Variants in PHACTR4 observed in about 807,000 individuals in gnomAD.
PHACTR4 encodes the protein phosphatase and actin regulator 4, also known as protein phosphatase 1, regulatory subunit 124.
A neutral mutation model predicts 72.7 loss-of-function variants in PHACTR4; 51 were observed. The ratio of observed to expected loss-of-function variants is 0.70; its 90% confidence interval spans 0.56 to 0.89. The LOEUF is 0.89. PHACTR4 is among the 40% of genes least tolerant of loss of function. The probability of loss-of-function intolerance (pLI) is 0.00; values close to 1 mark genes in which losing one functional copy is unlikely to be tolerated. For synonymous variants in PHACTR4, 255 were observed against 302.5 expected, an observed-to-expected ratio of 0.84 and a Z score of 1.63; for missense variants, 731 against 861.8, an observed-to-expected ratio of 0.85 and a Z score of 1.90.
At chr1:28,453,111 C>T (rs200082323) in intron 2 of PHACTR4, among the ~76,000 whole-genome samples, 5 of 152,064 alleles carry the variant, frequency 3.3e-5, no homozygotes, top group Non-Finnish European at 5.9e-5. Flanking sequence ...AAGAATGAAA[C>T]TTTGTCTCAA....
At position 28,429,584 on chromosome 1, in the gene PHACTR4, T is replaced by C. The variant is rs543027460; in HGVS notation, c.16+22121T>C. Among the ~76,000 whole-genome samples the C allele has an allele frequency of 2.4e-3, 364 of 152,250 alleles. 2 individuals carry two copies. Among genetic ancestry groups the C allele is most frequent in the African/African-American group, 8.4e-3 (347 of 41,546 alleles). On this transcript the variant is annotated intron_variant, in intron 2 of 13. Coordinates refer to ENST00000373839, the MANE Select transcript of PHACTR4 (RefSeq NM_001048183.3). ...ATAGTGGATGAATATTCTGCCAGGG[T>C]AAAATAGTCTATGGTAGAATAGAAT... is the stretch of plus-strand genomic sequence containing the variant.
chr1:28,438,591 G>A (rs1161143386), intron 2 of PHACTR4, among the ~76,000 whole-genome samples: 3 of 152,124 alleles, frequency 2.0e-5, no homozygotes, highest in African/African-American at 2.4e-5. Flanking sequence ...GCGGAACATG[G>A]CGAGAAACTT....
chr1:28,476,043 T>G, intron 7 of PHACTR4, 64 bp from the exon 8 acceptor site: 1 of 1,473,384 alleles, frequency 6.8e-7, no homozygotes, highest in Non-Finnish European at 9.1e-7. Context: ...TTCAGTCCTT[T>G]GTCTTAAAAG....
chr1:28,489,184 GACCAACA>G lies in PHACTR4; in HGVS notation c.1776_1782del (p.Arg592SerfsTer5). ...CTCATTTTTAGGCGACTGAGTCAAA[GACCAACA>G]CCAGAAGAACTAGAACAACGCAATA... On this transcript the variant is annotated frameshift_variant, in exon 10 of 14. Coordinates refer to ENST00000373839, the MANE Select transcript of PHACTR4 (RefSeq NM_001048183.3). LOFTEE classifies it high-confidence loss of function. 1 of 1,612,736 alleles carries G rather than the reference GACCAACA, an allele frequency of 6.2e-7. No individual in the cohort carries two copies. Among genetic ancestry groups the G allele is most frequent in the Non-Finnish European group, 8.5e-7 (1 of 1,179,244 alleles).
At chr1:28,390,045 A>G (rs961067894) in intron 1 of PHACTR4, among the ~76,000 whole-genome samples, 1 of 152,228 alleles carries the variant, frequency 6.6e-6, no homozygotes, top group Non-Finnish European at 1.5e-5. Context: ...TTGAAAAAGA[A>G]GGGAATCTTG....
chr1:28,435,227 C>G (rs1215859012), intron 2 of PHACTR4, among the ~76,000 whole-genome samples: 4 of 152,162 alleles, frequency 2.6e-5, no homozygotes, highest in African/African-American at 9.7e-5. Context: ...CACTTTATTT[C>G]TGTTCATGTC....
At chr1:28,400,133 G>A (rs1361894460) in intron 1 of PHACTR4, among the ~76,000 whole-genome samples, 1 of 152,122 alleles carries the variant, frequency 6.6e-6, no homozygotes, top group African/African-American at 2.4e-5. Context: ...AGCACTTTGG[G>A]AGGCCAAGGT....
intron 1 of PHACTR4, among the ~76,000 whole-genome samples, chr1:28,392,542 A>G (rs535738897): frequency 6.6e-6 from 1 of 151,772 alleles, no homozygotes; most frequent in Non-Finnish European, 1.5e-5. Context: ...AGCTGGGATT[A>G]CAGATGTGCA....
chr1:28,475,873 C>T (rs993544582), intron 7 of PHACTR4, among the ~76,000 whole-genome samples: 2 of 151,690 alleles, frequency 1.3e-5, no homozygotes, highest in Non-Finnish European at 2.9e-5. Flanking sequence ...ATTACAGGCA[C>T]CTGCCACCAT....
intron 2 of PHACTR4, among the ~76,000 whole-genome samples, chr1:28,447,710 A>G (rs1657585116): frequency 6.6e-6 from 1 of 152,142 alleles, no homozygotes. Flanking sequence ...TGCCAGTGGT[A>G]AAGCAACTTC....
intron 1 of PHACTR4, among the ~76,000 whole-genome samples, chr1:28,382,504 C>T (rs911444420): frequency 2.0e-5 from 3 of 151,928 alleles, no homozygotes; most frequent in Admixed American, 1.3e-4. Flanking sequence ...AAGGTTTCAC[C>T]GTGCTAGCCG....
intron 6 of PHACTR4, among the ~76,000 whole-genome samples, chr1:28,471,769 TAG>T (rs1659575382): frequency 6.6e-6 from 1 of 152,048 alleles, no homozygotes; most frequent in African/African-American, 2.4e-5. Flanking sequence ...GAGGGTCCAC[TAG>T]ATGCCAGGTA....
chr1:28,434,603 AGCCACTGT>A (rs763464713), intron 2 of PHACTR4, among the ~76,000 whole-genome samples: 9 of 152,214 alleles, frequency 5.9e-5, no homozygotes, highest in Non-Finnish European at 1.2e-4. Flanking sequence ...TACAGGCATG[AGCCACTGT>A]GCCCAGCCCC....
chr1:28,471,728 G>A (rs1377068321), intron 6 of PHACTR4, among the ~76,000 whole-genome samples: 1 of 152,044 alleles, frequency 6.6e-6, no homozygotes, highest in Non-Finnish European at 1.5e-5. Context: ...ATGATACAGG[G>A]TGAAGGCTTC....
At chr1:28,492,206 G>A (rs1020627260) in intron 12 of PHACTR4, among the ~76,000 whole-genome samples, 1 of 152,176 alleles carries the variant, frequency 6.6e-6, no homozygotes, top group African/African-American at 2.4e-5. Flanking sequence ...GGAGGCCAAT[G>A]CAGAGGGATC....
chr1:28,465,728 T>C lies in PHACTR4; in HGVS notation c.315T>C (p.Asn105=), dbSNP rs749419569. 4 of 1,613,810 alleles carry C rather than the reference T, an allele frequency of 2.5e-6. No homozygotes were observed. The African/African-American group carries it at 4.0e-5, about 16-fold the overall frequency. Residue 105 remains asparagine, a synonymous_variant, in exon 5 of 14, where the codon AAT becomes AAC. Transcript: ENST00000373839. ...PGKPSDAMLK[N]GHTTPIGNAR... Reference sequence around the variant, plus strand: ...AGCCAAGCGATGCCATGTTAAAGAATGGCCATACCACCCCCATAGGGAATG... The same window carrying C: ...AGCCAAGCGATGCCATGTTAAAGAACGGCCATACCACCCCCATAGGGAATG...
chr1:28,419,220 G>A (rs1378569972), intron 2 of PHACTR4, among the ~76,000 whole-genome samples: 1 of 151,226 alleles, frequency 6.6e-6, no homozygotes, highest in Non-Finnish European at 1.5e-5. Context: ...CTGAAATTAA[G>A]TAATCCACCC....
intron 9 of PHACTR4, among the ~76,000 whole-genome samples, chr1:28,483,047 G>T (rs986295081): frequency 1.3e-5 from 2 of 151,614 alleles, no homozygotes; most frequent in Non-Finnish European, 2.9e-5. Flanking sequence ...ATTGTTCTCT[G>T]CAATTTCTTT....
chr1:28,383,113 G>A (rs1652311835), intron 1 of PHACTR4, among the ~76,000 whole-genome samples: 1 of 152,130 alleles, frequency 6.6e-6, no homozygotes, highest in Admixed American at 6.6e-5. Flanking sequence ...TTTATTGAAT[G>A]GGGAATTCCT....
Sources: gnomAD v4.1 joint callset for allele counts (sites outside exome capture counted in the v4.1 genomes callset) on GRCh38, gnomAD v4.1.1 for gene constraint, MANE v1.5 for transcripts, NCBI Gene and HGNC (gene_info 2026-07-23, HGNC 2026-07-21) for gene names.